MBOAT1: variants seen among roughly 807,000 people sequenced by gnomAD.
MBOAT1 encodes the protein membrane-bound glycerophospholipid O-acyltransferase 1.
MBOAT1 carries 67 observed loss-of-function variants against 64.4 expected under a neutral mutation model. The ratio of observed to expected loss-of-function variants is 1.04; its 90% CI spans 0.85 to 1.27. The LOEUF is 1.27. Ranked by LOEUF, MBOAT1 falls within the 50% of genes most tolerant of loss-of-function variation. The probability of loss-of-function intolerance (pLI) is 0.00; values close to 1 mark genes in which losing one functional copy is unlikely to be tolerated. For missense variants in MBOAT1, 563 were observed against 604.6 expected (o/e 0.93, Z 0.72); for synonymous variants, 229 against 218.9 (o/e 1.05, Z -0.41).
chr6:20,186,608 G>A (rs73729924), intron 1 of MBOAT1, among the ~76,000 whole-genome samples: 5,138 of 152,276 alleles, frequency 0.034, 281 homozygotes, highest in African/African-American at 0.11. Context: ...CTGAAATGTC[G>A]CCACTTTGGG....
chr6:20,188,176 T>C (rs1762708853), intron 1 of MBOAT1, among the ~76,000 whole-genome samples: 1 of 152,174 alleles, frequency 6.6e-6, no homozygotes, highest in Admixed American at 6.5e-5. Context: ...AGGCTAAGAA[T>C]GCTAAATAAC....
chr6:20,115,645 A>G lies in MBOAT1; in HGVS notation c.1012-293T>C, dbSNP rs540140019. On this transcript the variant is annotated intron_variant, in intron 9 of 12. Transcript: ENST00000324607. ...GGGTTTCCCTTTTACTCTGGTTAAAATTTTTTAAGCCATCTGAATTTTATA... is the reference window on the plus strand; with the variant it reads ...GGGTTTCCCTTTTACTCTGGTTAAAGTTTTTTAAGCCATCTGAATTTTATA... 5.3e-5 allele frequency among the ~76,000 whole-genome samples: 8 copies of G among 152,314 alleles called. No homozygotes were observed. In the South Asian group the frequency reaches 1.7e-3, roughly 32 times the overall value.
intron 12 of MBOAT1, among the ~76,000 whole-genome samples, chr6:20,104,880 G>A (rs890933907): frequency 3.3e-5 from 5 of 152,198 alleles, no homozygotes; most frequent in Admixed American, 2.0e-4. Flanking sequence ...CTTAGGATAT[G>A]CAAAACAATA....
intron 1 of MBOAT1, among the ~76,000 whole-genome samples, chr6:20,158,155 CAAAAAAAAAAAGAA>C (rs1338999844): frequency 2.2e-5 from 1 of 46,270 alleles, no homozygotes; most frequent in African/African-American, 9.0e-5. Context: ...GACTCTGACT[CAAAAAAAAAAAGAA>C]AAAAAAAAAA....
intron 3 of MBOAT1, among the ~76,000 whole-genome samples, chr6:20,145,359 T>C (rs1761299840): frequency 6.6e-6 from 1 of 152,222 alleles, no homozygotes; most frequent in Non-Finnish European, 1.5e-5. Context: ...TTAATACATT[T>C]CTGTTGTTTA....
In MBOAT1 at chr6:20,099,766, G is replaced by T. The variant is rs1037535173; in HGVS notation, c.*2520C>A. Among the ~76,000 whole-genome samples, 1 of 151,952 alleles carries T rather than the reference G, an allele frequency of 6.6e-6. No homozygotes were observed. The highest frequency in any genetic ancestry group is 1.5e-5 in the Non-Finnish European group (1 of 68,012). ...AGCTCACATTCCAATAAGTATTTAT[G>T]AACTGCATCTTATATTTAGGACAAC... On this transcript the variant is annotated 3_prime_UTR_variant, in exon 13 of 13. Transcript: ENST00000324607.
Position 20,118,551 on chromosome 6 carries a change from T to C in MBOAT1, c.908-11A>G. The C allele has an allele frequency of 6.2e-7, 1 of 1,605,346 alleles. No individual in the cohort carries two copies. The highest frequency in any genetic ancestry group is 8.5e-7 in the Non-Finnish European group (1 of 1,173,218). ...TATTCACTGCATCAGCTATGGTTTT[T>C]AAAGTAACACATTAGGATATGGAAC... On this transcript the variant is annotated splice_polypyrimidine_tract_variant and intron_variant, in intron 8 of 12. Transcript: ENST00000324607.
Position 20,118,522 on chromosome 6 carries a change from G to A in MBOAT1, c.926C>T (p.Ala309Val). The change falls in exon 9 of 13, where the codon GCA (alanine) becomes GTA (valine). Residue 309 changes from alanine (A) to valine (V), a missense_variant. Ala to Val is a moderately conservative substitution (Grantham distance 64). Transcript: ENST00000324607. ...CACTCCGCTGAACCCAAAGCCAGCT[G>A]CGTTATTCACTGCATCAGCTATGGT... is the stretch of plus-strand genomic sequence containing the variant. ...AWTLADAVNN[A>V]AGFGFSGVDK... 6.2e-7 allele frequency: 1 copy of A among 1,613,788 alleles called. No individual in the cohort carries two copies. Among genetic ancestry groups the A allele is most frequent in the South Asian group, 1.1e-5 (1 of 91,090 alleles).
chr6:20,154,808 T>C (rs1372195846), intron 1 of MBOAT1, among the ~76,000 whole-genome samples: 6 of 152,218 alleles, frequency 3.9e-5, no homozygotes, highest in Non-Finnish European at 8.8e-5. Context: ...AGACTGGTAC[T>C]AAACCCATTG....
intron 1 of MBOAT1, among the ~76,000 whole-genome samples, chr6:20,182,231 G>C (rs1051698564): frequency 6.6e-6 from 1 of 152,164 alleles, no homozygotes; most frequent in Non-Finnish European, 1.5e-5. Flanking sequence ...GGAAGTCCAA[G>C]AGCAAGCAGA....
chr6:20,205,565 G>A (rs1170432424), intron 1 of MBOAT1, among the ~76,000 whole-genome samples: 1 of 152,118 alleles, frequency 6.6e-6, no homozygotes, highest in Non-Finnish European at 1.5e-5. Context: ...GCAGTCTCTG[G>A]TAGGCCAGCC....
At chr6:20,132,756 A>C (rs1000900375) in intron 4 of MBOAT1, among the ~76,000 whole-genome samples, 7 of 152,264 alleles carry the variant, frequency 4.6e-5, no homozygotes, top group African/African-American at 1.7e-4. Flanking sequence ...CGAAGGACAC[A>C]CATCACCCAA....
chr6:20,153,593 A>G (rs1761591053), intron 1 of MBOAT1, among the ~76,000 whole-genome samples: 1 of 152,234 alleles, frequency 6.6e-6, no homozygotes, highest in African/African-American at 2.4e-5. Flanking sequence ...AAAATGCAGG[A>G]CTTACAACAA....
At chr6:20,127,768 G>A (rs184969364) in intron 6 of MBOAT1, among the ~76,000 whole-genome samples, 23 of 152,086 alleles carry the variant, frequency 1.5e-4, no homozygotes, top group Admixed American at 8.5e-4. Flanking sequence ...TATATATTAC[G>A]ATGTAATAAC....
chr6:20,187,294 G>A (rs1054188764), intron 1 of MBOAT1, among the ~76,000 whole-genome samples: 3 of 152,218 alleles, frequency 2.0e-5, no homozygotes, highest in Admixed American at 1.3e-4. Flanking sequence ...ATCTAATCTC[G>A]AGTCTAGGTC....
chr6:20,111,102 G>C (rs541070840), intron 11 of MBOAT1, among the ~76,000 whole-genome samples: 4 of 152,274 alleles, frequency 2.6e-5, no homozygotes, highest in Middle Eastern at 3.4e-3. Context: ...CTGAGACTTA[G>C]GTAAAGAGAC....
At chr6:20,196,133 C>T (rs187374193) in intron 1 of MBOAT1, among the ~76,000 whole-genome samples, 40 of 152,328 alleles carry the variant, frequency 2.6e-4, no homozygotes, top group African/African-American at 9.6e-4. Context: ...CCTAAACTCA[C>T]ATGCCCTGTG....
At chr6:20,104,787 T>C (rs928079325) in intron 12 of MBOAT1, among the ~76,000 whole-genome samples, 2 of 152,224 alleles carry the variant, frequency 1.3e-5, no homozygotes, top group Non-Finnish European at 2.9e-5. Context: ...AATGCCTCCC[T>C]GACAATATTT....
chr6:20,163,232 CTG>C (rs1165544017), intron 1 of MBOAT1, among the ~76,000 whole-genome samples: 4 of 152,122 alleles, frequency 2.6e-5, no homozygotes, highest in African/African-American at 9.7e-5. Context: ...GCAGGGAAGA[CTG>C]TATAAAACTC....
Sources: gnomAD v4.1 joint callset for allele counts (sites outside exome capture counted in the v4.1 genomes callset) on GRCh38, gnomAD v4.1.1 for gene constraint, MANE v1.5 for transcripts, NCBI Gene and HGNC (gene_info 2026-07-23, HGNC 2026-07-21) for gene names.